Variants in EPHA5 observed in about 807,000 individuals in gnomAD.
The protein encoded by EPHA5 is EPH receptor A5.
EPHA5 carries 60 observed loss-of-function variants against 105.0 expected under a neutral mutation model. That is an observed-to-expected ratio of 0.57 (90% CI 0.46 to 0.71). The LOEUF is 0.71. EPHA5 is among the 30% of genes least tolerant of loss of function. The pLI is 0.00. For missense variants in EPHA5, 1,218 were observed against 1,274.7 expected (o/e 0.96, Z 0.68); for synonymous variants, 513 against 449.1 (o/e 1.14, Z -1.80).
At chr4:65,558,278 T>C (rs1738660446) in intron 3 of EPHA5, among the ~76,000 whole-genome samples, 1 of 152,180 alleles carries the variant, frequency 6.6e-6, no homozygotes, top group African/African-American at 2.4e-5. Context: ...TTGGTAATGG[T>C]AACAGATCAC....
At chr4:65,359,593 T>G (rs1316046310) in intron 11 of EPHA5, among the ~76,000 whole-genome samples, 1 of 151,606 alleles carries the variant, frequency 6.6e-6, no homozygotes, top group East Asian at 1.9e-4. Context: ...TTTATAGTTA[T>G]CATTGACTCC....
intron 7 of EPHA5, among the ~76,000 whole-genome samples, chr4:65,409,589 G>C (rs1257642447): frequency 6.6e-6 from 1 of 152,080 alleles, no homozygotes; most frequent in Non-Finnish European, 1.5e-5. Context: ...TATGTGTGAA[G>C]AGTTCATCAC....
intron 11 of EPHA5, among the ~76,000 whole-genome samples, chr4:65,357,247 G>A (rs1723387948): frequency 1.3e-5 from 2 of 151,364 alleles, no homozygotes; most frequent in South Asian, 2.1e-4. Flanking sequence ...AGGCAAGTAA[G>A]GCTCAGAAAG....
chr4:65,390,286 G>A (rs1021272350), intron 8 of EPHA5, among the ~76,000 whole-genome samples: 5 of 151,732 alleles, frequency 3.3e-5, no homozygotes, highest in African/African-American at 1.2e-4. Flanking sequence ...ATAACCCCAG[G>A]CCCAGGTTCC....
chr4:65,578,538 T>C (rs1042107554), intron 3 of EPHA5, among the ~76,000 whole-genome samples: 2 of 152,176 alleles, frequency 1.3e-5, no homozygotes, highest in African/African-American at 4.8e-5. Flanking sequence ...ATGAGCAGTG[T>C]AGAATGTTGA....
chr4:65,353,443 AT>A (rs1240785117), intron 11 of EPHA5, among the ~76,000 whole-genome samples: 1 of 150,524 alleles, frequency 6.6e-6, no homozygotes, highest in African/African-American at 2.4e-5. Flanking sequence ...TCTTAGTGTT[AT>A]GGTTGAGTCA....
intron 5 of EPHA5, among the ~76,000 whole-genome samples, chr4:65,453,316 C>T (rs1422908847): frequency 2.0e-5 from 3 of 152,082 alleles, no homozygotes; most frequent in Admixed American, 6.5e-5. Flanking sequence ...CAATCTGTCA[C>T]GTCTTTTTTT....
intron 1 of EPHA5, among the ~76,000 whole-genome samples, chr4:65,659,042 G>A: frequency 6.6e-6 from 1 of 151,940 alleles, no homozygotes; most frequent in Non-Finnish European, 1.5e-5. Flanking sequence ...GGCTTGGACA[G>A]GAGATGAAAG....
In EPHA5 at chr4:65,404,448, A is replaced by G. The variant is rs770959679; in HGVS notation, c.1719T>C (p.Ile573=). 2 of 1,613,672 alleles carry G rather than the reference A, an allele frequency of 1.2e-6. No individual in the cohort carries two copies. Among genetic ancestry groups the G allele is most frequent in the African/African-American group, 2.7e-5 (2 of 74,928 alleles). ...SVAASSDQSQ[I]PVIAVSVTVG... is the part of the protein sequence containing the mutation. ...CTGTCACAGACACAGCAATTACAGG[A>G]ATCTGGCTTTGATCGCTGGATGCTG... Residue 573 remains isoleucine, a synonymous_variant, in exon 8 of 17, where the codon ATT becomes ATC. Transcript: ENST00000613740.
intron 3 of EPHA5, among the ~76,000 whole-genome samples, chr4:65,553,510 G>C (rs1738116787): frequency 6.6e-6 from 1 of 151,940 alleles, no homozygotes; most frequent in Admixed American, 6.6e-5. Context: ...ACTTCAAAAA[G>C]AATACTTGGT....
chr4:65,521,695 A>G (rs11942937), intron 3 of EPHA5, among the ~76,000 whole-genome samples: 1 of 152,000 alleles, frequency 6.6e-6, no homozygotes, highest in Non-Finnish European at 1.5e-5. Flanking sequence ...AGAAATGCCA[A>G]ACCTAAACTA....
At chr4:65,449,324 A>G (rs1726856461) in intron 5 of EPHA5, among the ~76,000 whole-genome samples, 1 of 152,190 alleles carries the variant, frequency 6.6e-6, no homozygotes, top group African/African-American at 2.4e-5. Context: ...AAAAGCAAGC[A>G]TTAATGAGGG....
chr4:65,649,467 C>T (rs1748402199), intron 1 of EPHA5, among the ~76,000 whole-genome samples: 3 of 152,180 alleles, frequency 2.0e-5, no homozygotes, highest in Admixed American at 1.3e-4. Flanking sequence ...GAGCCATCAA[C>T]ATTACCTGAC....
chr4:65,452,630 T>C (rs1215140150), intron 5 of EPHA5, among the ~76,000 whole-genome samples: 1 of 151,054 alleles, frequency 6.6e-6, no homozygotes, highest in Non-Finnish European at 1.5e-5. Flanking sequence ...ATGCATAAAT[T>C]AAAAATCAGA....
At chr4:65,331,108 A>G in intron 16 of EPHA5, 1 of 1,038,870 alleles carries the variant, frequency 9.6e-7, no homozygotes, top group Admixed American at 5.6e-5. Flanking sequence ...AGAATATTCT[A>G]CCATTTTCTA....
chr4:65,573,605 C>T (rs1200142939), intron 3 of EPHA5: 3 of 1,599,280 alleles, frequency 1.9e-6, no homozygotes, highest in East Asian at 2.2e-5. Context: ...GCAACCCTGT[C>T]CTTGTCAGAG....
chr4:65,382,579 T>C (rs1369883751), intron 8 of EPHA5, among the ~76,000 whole-genome samples: 1 of 151,886 alleles, frequency 6.6e-6, no homozygotes, highest in African/African-American at 2.4e-5. Flanking sequence ...ACTGAGAATC[T>C]ATATGCTATT....
intron 3 of EPHA5, among the ~76,000 whole-genome samples, chr4:65,529,729 C>T (rs758821374): frequency 1.3e-5 from 2 of 152,020 alleles, no homozygotes. Flanking sequence ...ATGACATGAA[C>T]GTATATAACT....
At chr4:65,412,448 G>T (rs1472330699) in intron 7 of EPHA5, among the ~76,000 whole-genome samples, 2 of 151,932 alleles carry the variant, frequency 1.3e-5, no homozygotes, top group Admixed American at 6.6e-5. Flanking sequence ...TATACATAAA[G>T]ATCAAAAGGG....
Sources: allele counts gnomAD v4.1 joint callset (sites outside exome capture counted in the v4.1 genomes callset), GRCh38; gene constraint gnomAD v4.1.1; transcripts MANE v1.5; gene names NCBI Gene and HGNC (gene_info 2026-07-23, HGNC 2026-07-21).